ATRNL1: variants seen among roughly 807,000 people sequenced by gnomAD.
The protein encoded by ATRNL1 is attractin like 1.
Under a neutral mutation model 182.7 loss-of-function variants are expected in ATRNL1, and 95 were observed. The observed-to-expected ratio is 0.52, with a 90% confidence interval of 0.44 to 0.62. ATRNL1 has a LOEUF of 0.62. Among genes scored for constraint, ATRNL1 ranks in the 20% least tolerant of loss-of-function variants. The probability of loss-of-function intolerance (pLI) is 0.00; values close to 1 mark genes in which losing one functional copy is unlikely to be tolerated. For missense variants in ATRNL1, 1,471 were observed against 1,679.5 expected (o/e 0.88, Z 2.17); for synonymous variants, 576 against 568.3 (o/e 1.01, Z -0.19).
At chr10:115,254,122 ATGATT>A (rs1564853847) in intron 10 of ATRNL1, among the ~76,000 whole-genome samples, 1 of 152,216 alleles carries the variant, frequency 6.6e-6, no homozygotes, top group Non-Finnish European at 1.5e-5. Flanking sequence ...TTATAGTAGC[ATGATT>A]TATAATCCTT....
Position 115,718,844 on chromosome 10 carries a change from C to T in ATRNL1, c.3796-8404C>T, listed in dbSNP as rs374419003. Among the ~76,000 whole-genome samples the T allele has an allele frequency of 2.6e-4, 40 of 152,290 alleles. No homozygotes were observed. The East Asian group carries it at 6.7e-3, about 26-fold the overall frequency. ...CTCCAATAGCAGACTATACTATCTG[C>T]CAGCTGCCTGCTTCCAGTTTTCTGG... On this transcript the variant is annotated intron_variant, in intron 26 of 28. Transcript: ENST00000355044.
chr10:115,214,850 G>A (rs1206680983), intron 8 of ATRNL1, among the ~76,000 whole-genome samples: 1 of 152,118 alleles, frequency 6.6e-6, no homozygotes, highest in African/African-American at 2.4e-5. Context: ...ACAGCAAGCA[G>A]AGTGGGATTT....
At chr10:115,405,710 A>G (rs1345702405) in intron 20 of ATRNL1, among the ~76,000 whole-genome samples, 9 of 151,158 alleles carry the variant, frequency 6.0e-5, no homozygotes, top group Admixed American at 2.0e-4. Flanking sequence ...TTTTAATTAT[A>G]CTTTAAGTTT....
intron 8 of ATRNL1, among the ~76,000 whole-genome samples, chr10:115,194,958 AAAAC>A (rs1261731802): frequency 1.3e-5 from 2 of 151,984 alleles, no homozygotes; most frequent in African/African-American, 2.4e-5. Context: ...GAAAAGAAAA[AAAAC>A]AAAACAAATA....
intron 19 of ATRNL1, among the ~76,000 whole-genome samples, chr10:115,354,387 A>C (rs1016131003): frequency 6.6e-6 from 1 of 151,834 alleles, no homozygotes; most frequent in Non-Finnish European, 1.5e-5. Flanking sequence ...GTGATGATGA[A>C]TTTACTCAGC....
intron 27 of ATRNL1, among the ~76,000 whole-genome samples, chr10:115,759,271 G>A (rs571813353): frequency 1.8e-4 from 28 of 152,256 alleles, no homozygotes; most frequent in African/African-American, 6.3e-4. Context: ...ACTAGTGACA[G>A]TTTGCACTAG....
chr10:115,107,445 C>A (rs986582690), intron 1 of ATRNL1, among the ~76,000 whole-genome samples: 1 of 152,204 alleles, frequency 6.6e-6, no homozygotes, highest in Admixed American at 6.5e-5. Context: ...TCTGAGCATA[C>A]TTGGATGAGG....
At chr10:115,299,282 ATTAT>A (rs1451784778) in intron 15 of ATRNL1, among the ~76,000 whole-genome samples, 4 of 151,970 alleles carry the variant, frequency 2.6e-5, no homozygotes, top group African/African-American at 9.7e-5. Flanking sequence ...AAATTGAGTA[ATTAT>A]TAAGGTTATA....
intron 5 of ATRNL1, among the ~76,000 whole-genome samples, chr10:115,139,376 C>T (rs943257807): frequency 6.6e-6 from 1 of 152,182 alleles, no homozygotes; most frequent in Admixed American, 6.5e-5. Context: ...TAAAGACATA[C>T]CTGAGACCAG....
At chr10:115,916,964 C>A (rs1196183100) in intron 28 of ATRNL1, among the ~76,000 whole-genome samples, 2 of 152,088 alleles carry the variant, frequency 1.3e-5, no homozygotes, top group East Asian at 1.9e-4. Context: ...CTAGGCGTGG[C>A]GCAAAAAATT....
At chr10:115,423,938 C>T (rs1845760967) in intron 20 of ATRNL1, among the ~76,000 whole-genome samples, 1 of 152,074 alleles carries the variant, frequency 6.6e-6, no homozygotes, top group Admixed American at 6.6e-5. Flanking sequence ...AATGGGATTA[C>T]ATCAAAACAA....
chr10:115,593,837 CTTA>C (rs1258856608), intron 26 of ATRNL1, among the ~76,000 whole-genome samples: 4 of 152,086 alleles, frequency 2.6e-5, no homozygotes, highest in African/African-American at 7.2e-5. Flanking sequence ...TTTGCTTACA[CTTA>C]TTATCATTAT....
chr10:115,191,017 GTTTCATCCGTGT>G (rs1167252131), intron 8 of ATRNL1, among the ~76,000 whole-genome samples: 1 of 151,976 alleles, frequency 6.6e-6, no homozygotes, highest in African/African-American at 2.4e-5. Flanking sequence ...TTGCCCTTCA[GTTTCATCCGTGT>G]TGTTGCAGAT....
intron 5 of ATRNL1, among the ~76,000 whole-genome samples, chr10:115,138,158 G>A (rs144439922): frequency 2.0e-3 from 298 of 152,348 alleles, no homozygotes; most frequent in African/African-American, 6.7e-3. Flanking sequence ...GTCTTGGGCA[G>A]CTCTGCTCCT....
intron 26 of ATRNL1, among the ~76,000 whole-genome samples, chr10:115,661,074 A>G (rs1332670255): frequency 6.6e-6 from 1 of 152,048 alleles, no homozygotes; most frequent in Non-Finnish European, 1.5e-5. Flanking sequence ...AAAGGCAAAG[A>G]CTATATTTTT....
chr10:115,812,766 C>A (rs571729808), intron 27 of ATRNL1, among the ~76,000 whole-genome samples: 4 of 152,094 alleles, frequency 2.6e-5, no homozygotes, highest in South Asian at 4.2e-4. Context: ...CATGAACCAC[C>A]GTGCCTGGCC....
chr10:115,265,336 A>C, intron 11 of ATRNL1, 59 bp downstream of exon 11: 4 of 1,030,750 alleles, frequency 3.9e-6, no homozygotes, highest in Non-Finnish European at 5.8e-6. Flanking sequence ...TACTATCCTC[A>C]TATTCTGGTA....
chr10:115,409,764 A>G (rs1845043042), intron 20 of ATRNL1, among the ~76,000 whole-genome samples: 1 of 152,198 alleles, frequency 6.6e-6, no homozygotes, highest in South Asian at 2.1e-4. Context: ...AAAGAAAACT[A>G]TAGGCTAATA....
chr10:115,323,794 T>C (rs903697182), intron 18 of ATRNL1, among the ~76,000 whole-genome samples: 1 of 151,128 alleles, frequency 6.6e-6, no homozygotes, highest in African/African-American at 2.4e-5. Flanking sequence ...TCTCTTTTTT[T>C]TTCCTGAGAC....
Sources: gnomAD v4.1 joint callset for allele counts (sites outside exome capture counted in the v4.1 genomes callset) on GRCh38, gnomAD v4.1.1 for gene constraint, MANE v1.5 for transcripts, NCBI Gene and HGNC (gene_info 2026-07-23, HGNC 2026-07-21) for gene names.